The following CEP128 variants were observed in gnomAD, a reference collection of about 807,000 sequenced individuals.
CEP128 encodes centrosomal protein 128.
In CEP128, 132 loss-of-function variants were observed where a neutral mutation model predicts 156.7. That is an observed-to-expected ratio of 0.84 (90% CI 0.73 to 0.97). The LOEUF (loss-of-function observed/expected upper bound fraction) is 0.97. Ranked by LOEUF, CEP128 falls within the 50% of genes least tolerant of loss-of-function variation. The pLI, the probability that CEP128 is intolerant of heterozygous loss-of-function variation, is 0.00. For synonymous variants in CEP128, 469 were observed against 448.9 expected (o/e 1.04, Z -0.57); for missense variants, 1,252 against 1,281.9 (o/e 0.98, Z 0.36).
chr14:80,616,061 C>G (rs79519234), intron 19 of CEP128, among the ~76,000 whole-genome samples: 2,246 of 152,264 alleles, frequency 0.015, 55 homozygotes, highest in African/African-American at 0.051. Context: ...AAAACCACAT[C>G]TGTGCTTTAC....
intron 19 of CEP128, among the ~76,000 whole-genome samples, chr14:80,675,840 C>A (rs1896038533): frequency 1.3e-5 from 2 of 152,050 alleles, no homozygotes; most frequent in South Asian, 4.1e-4. Flanking sequence ...TCTATTCCCC[C>A]CTCAATGTTC....
intron 23 of CEP128, among the ~76,000 whole-genome samples, chr14:80,523,337 G>A (rs1888831505): frequency 6.6e-6 from 1 of 152,190 alleles, no homozygotes; most frequent in Admixed American, 6.5e-5. Context: ...CTTTTCAAAA[G>A]ACTCTTGAGC....
At chr14:80,914,493 C>A in intron 3 of CEP128, 85 bp from the exon 4 acceptor site, 1 of 956,462 alleles carries the variant, frequency 1.0e-6, no homozygotes, top group Non-Finnish European at 1.7e-6. Context: ...TCAACTAAGT[C>A]AACAGTTTGT....
chr14:80,548,195 G>T (rs1890066949), intron 21 of CEP128, among the ~76,000 whole-genome samples: 1 of 151,960 alleles, frequency 6.6e-6, no homozygotes, highest in South Asian at 2.1e-4. Flanking sequence ...TTTGGCCAGG[G>T]TCATGTGCCT....
Position 80,506,484 on chromosome 14 carries a change from A to C in CEP128, c.3073-1464T>G. ...TGAAGCAGCACAGGATTGAAGGATG[A>C]ATATCAGTTAAGACCATAACTGAGG... On this transcript the variant is annotated intron_variant, in intron 23 of 24. Coordinates refer to ENST00000555265, the MANE Select transcript of CEP128 (RefSeq NM_152446.5). 1.3e-5 allele frequency among the ~76,000 whole-genome samples: 2 copies of C among 151,634 alleles called. 1 individual carries two copies.
At chr14:80,692,494 TAGA>T (rs1418751037) in intron 19 of CEP128, among the ~76,000 whole-genome samples, 1 of 152,182 alleles carries the variant, frequency 6.6e-6, no homozygotes, top group Non-Finnish European at 1.5e-5. Flanking sequence ...ACAGCAGATT[TAGA>T]AGAAGAGCCA....
At chr14:80,752,143 C>A (rs1184486461) in intron 18 of CEP128, among the ~76,000 whole-genome samples, 1 of 152,062 alleles carries the variant, frequency 6.6e-6, no homozygotes, top group Non-Finnish European at 1.5e-5. Flanking sequence ...AAGATTATAG[C>A]TTATAAAGGT....
intron 14 of CEP128, among the ~76,000 whole-genome samples, chr14:80,789,551 G>A (rs1901594968): frequency 6.6e-6 from 1 of 152,146 alleles, no homozygotes; most frequent in Non-Finnish European, 1.5e-5. Flanking sequence ...ACAGGTTGAT[G>A]CAAAGCCAAG....
rs114098492 is a variant in CEP128 at position 80,815,490 on chromosome 14, T to C, written c.1209+15653A>G. On this transcript the variant is annotated intron_variant, in intron 13 of 24. Coordinates refer to ENST00000555265, the MANE Select transcript of CEP128 (RefSeq NM_152446.5). Reference sequence around the variant, plus strand: ...ATGGAAATGTAAATTAGTACAACCTTATGGATTGTAGTATGGAGATTTCAA... The same window carrying C: ...ATGGAAATGTAAATTAGTACAACCTCATGGATTGTAGTATGGAGATTTCAA... 6.0e-3 allele frequency among the ~76,000 whole-genome samples: 907 copies of C among 152,306 alleles called. 13 individuals carry two copies. The highest frequency in any genetic ancestry group is 0.021 in the African/African-American group (871 of 41,566).
At chr14:80,743,847 T>C (rs1898958466) in intron 18 of CEP128, among the ~76,000 whole-genome samples, 1 of 151,630 alleles carries the variant, frequency 6.6e-6, no homozygotes, top group Non-Finnish European at 1.5e-5. Flanking sequence ...TACCTTTTTT[T>C]CTTTCTTTCT....
intron 18 of CEP128, among the ~76,000 whole-genome samples, chr14:80,748,455 G>C (rs1045991614): frequency 4.6e-5 from 7 of 152,294 alleles, no homozygotes; most frequent in African/African-American, 1.7e-4. Context: ...AAATTGGGCT[G>C]TTCTCTAGAA....
intron 9 of CEP128, among the ~76,000 whole-genome samples, chr14:80,855,602 G>A (rs1488990546): frequency 1.3e-5 from 2 of 152,126 alleles, no homozygotes; most frequent in Middle Eastern, 3.2e-3. Flanking sequence ...GAAACAAGAG[G>A]GAGGCAAAGT....
At chr14:80,511,053 G>GT (rs35675273) in intron 23 of CEP128, among the ~76,000 whole-genome samples, 112,119 of 144,352 alleles carry the variant, frequency 0.78, 45,783 homozygotes, top group Middle Eastern at 0.9. Context: ...TGGCCTGTGG[G>GT]TTTTTTTTTT....
In CEP128 at chr14:80,820,979, G is replaced by A. The variant is rs115769186; in HGVS notation, c.1209+10164C>T. On this transcript the variant is annotated intron_variant, in intron 13 of 24. Coordinates refer to ENST00000555265, the MANE Select transcript of CEP128 (RefSeq NM_152446.5). ...ACTAGAAATTAAACACATTTAATGT[G>A]CTTGAAAAAAATCTTCCTAATGTTG... 1.9e-3 allele frequency among the ~76,000 whole-genome samples: 293 copies of A among 152,064 alleles called. 2 individuals carry two copies. The highest frequency in any genetic ancestry group is 6.5e-3 in the African/African-American group (271 of 41,486).
intron 13 of CEP128, among the ~76,000 whole-genome samples, chr14:80,817,751 C>A (rs1163245724): frequency 6.6e-6 from 1 of 151,824 alleles, no homozygotes; most frequent in East Asian, 1.9e-4. Flanking sequence ...TGTGGTGGCA[C>A]GCGCCTGTAG....
intron 19 of CEP128, among the ~76,000 whole-genome samples, chr14:80,657,339 A>G (rs1054402214): frequency 6.6e-6 from 1 of 151,938 alleles, no homozygotes; most frequent in Non-Finnish European, 1.5e-5. Flanking sequence ...TTTAGTCACC[A>G]CTAATAAATG....
At chr14:80,562,755 T>C (rs773928117) in intron 20 of CEP128, among the ~76,000 whole-genome samples, 5 of 148,828 alleles carry the variant, frequency 3.4e-5, no homozygotes, top group East Asian at 4.1e-4. Flanking sequence ...ATACCTTCCA[T>C]GCTCAATTGA....
intron 19 of CEP128, among the ~76,000 whole-genome samples, chr14:80,683,557 C>G (rs1264392945): frequency 1.3e-5 from 2 of 152,094 alleles, no homozygotes; most frequent in Admixed American, 1.3e-4. Flanking sequence ...CAGCATTAGA[C>G]AGATCATCAA....
At chr14:80,735,227 G>A (rs146289552) in intron 19 of CEP128, among the ~76,000 whole-genome samples, 28 of 152,142 alleles carry the variant, frequency 1.8e-4, no homozygotes, top group African/African-American at 6.3e-4. Context: ...ATATGACTAC[G>A]TAATATCAAG....
Sources: allele counts gnomAD v4.1 joint callset (sites outside exome capture counted in the v4.1 genomes callset), GRCh38; gene constraint gnomAD v4.1.1; transcripts MANE v1.5; gene names NCBI Gene and HGNC (gene_info 2026-07-23, HGNC 2026-07-21).